Variants in MARCHF1 observed in about 807,000 individuals in gnomAD.
The protein encoded by MARCHF1 is membrane associated ring-CH-type finger 1.
In MARCHF1, 40 loss-of-function variants were observed where a neutral mutation model predicts 54.2. The ratio of observed to expected loss-of-function variants is 0.74; its 90% CI spans 0.57 to 0.96. The LOEUF is 0.96. Among genes scored for constraint, MARCHF1 ranks in the 40% least tolerant of loss-of-function variants. The pLI, the probability that MARCHF1 is intolerant of heterozygous loss-of-function variation, is 0.00. For synonymous variants in MARCHF1, 236 were observed against 236.3 expected, an observed-to-expected ratio of 1.00 and a Z score of 0.01; for missense variants, 586 against 656.5, an observed-to-expected ratio of 0.89 and a Z score of 1.17.
chr4:164,109,952 C>G (rs970654942), intron 2 of MARCHF1, among the ~76,000 whole-genome samples: 2 of 139,154 alleles, frequency 1.4e-5, no homozygotes, highest in East Asian at 4.1e-4. Context: ...TGTAAATTCA[C>G]CACTGATAGA....
At chr4:163,700,528 AGAAG>A (rs57173687) in intron 5 of MARCHF1, among the ~76,000 whole-genome samples, 15,980 of 114,306 alleles carry the variant, frequency 0.14, 1,371 homozygotes, top group African/African-American at 0.2. Context: ...AAAGAAAGAA[AGAAG>A]GAAGGAAGGA....
intron 5 of MARCHF1, among the ~76,000 whole-genome samples, chr4:163,665,652 T>C (rs897264744): frequency 2.0e-5 from 3 of 152,150 alleles, no homozygotes; most frequent in African/African-American, 4.8e-5. Flanking sequence ...TTATTCATCG[T>C]CTTCCCTTTT....
intron 2 of MARCHF1, among the ~76,000 whole-genome samples, chr4:164,054,877 A>G (rs1754454400): frequency 6.6e-6 from 1 of 151,628 alleles, no homozygotes; most frequent in African/African-American, 2.4e-5. Context: ...ATGTATACAT[A>G]TGTAACTAAC....
chr4:163,566,623 T>G (rs1739653756), intron 8 of MARCHF1, among the ~76,000 whole-genome samples: 1 of 152,180 alleles, frequency 6.6e-6, no homozygotes, highest in African/African-American at 2.4e-5. Flanking sequence ...AAGGCCAGTG[T>G]TACTCATCAG....
chr4:163,534,053 A>G (rs1738450402), intron 9 of MARCHF1, among the ~76,000 whole-genome samples: 1 of 151,976 alleles, frequency 6.6e-6, no homozygotes, highest in Non-Finnish European at 1.5e-5. Flanking sequence ...CTGTTTTCCA[A>G]ACATTGCACA....
At chr4:163,732,873 C>T (rs566789309) in intron 4 of MARCHF1, among the ~76,000 whole-genome samples, 41 of 151,962 alleles carry the variant, frequency 2.7e-4, no homozygotes, top group South Asian at 2.1e-3. Flanking sequence ...TTAAAGAAGC[C>T]GGATGCGGTG....
At chr4:163,884,903 T>G (rs1750495062) in intron 3 of MARCHF1, among the ~76,000 whole-genome samples, 1 of 152,136 alleles carries the variant, frequency 6.6e-6, no homozygotes, top group South Asian at 2.1e-4. Context: ...AAAAGAAAAT[T>G]TAGAGACTAA....
At chr4:164,151,087 A>G (rs1033003419) in intron 1 of MARCHF1, among the ~76,000 whole-genome samples, 6 of 152,248 alleles carry the variant, frequency 3.9e-5, no homozygotes, top group Non-Finnish European at 8.8e-5. Flanking sequence ...TAGAGCCTCC[A>G]GAAAGAACAT....
intron 1 of MARCHF1, chr4:164,197,723 T>A: frequency 6.2e-7 from 1 of 1,608,238 alleles, no homozygotes; most frequent in Non-Finnish European, 8.5e-7. Flanking sequence ...TCTCGCGCTC[T>A]CTGTCTGCAG....
chr4:164,235,920 C>A (rs184176364), intron 1 of MARCHF1, among the ~76,000 whole-genome samples: 3 of 152,160 alleles, frequency 2.0e-5, no homozygotes, highest in Admixed American at 2.0e-4. Flanking sequence ...CATGCAAGTT[C>A]TTTTGGCCTC....
chr4:163,987,240 T>C (rs961549226), intron 3 of MARCHF1, among the ~76,000 whole-genome samples: 2 of 152,214 alleles, frequency 1.3e-5, no homozygotes, highest in Non-Finnish European at 2.9e-5. Flanking sequence ...AGATTTTTAA[T>C]TCTCAGAAAT....
intron 3 of MARCHF1, among the ~76,000 whole-genome samples, chr4:163,942,727 T>C (rs886770474): frequency 6.6e-6 from 1 of 152,128 alleles, no homozygotes; most frequent in African/African-American, 2.4e-5. Context: ...CATAGGGAGT[T>C]ATAGGAAAGA....
In MARCHF1 at chr4:163,611,455, A is replaced by G. The variant is rs1192360574; in HGVS notation, c.1010+816T>C. Among the ~76,000 whole-genome samples the G allele has an allele frequency of 2.6e-5, 4 of 152,238 alleles. No individual in the cohort carries two copies. The East Asian group carries it at 7.7e-4, about 29-fold the overall frequency. ...AAGCAAAACATAACAAGTATTGCGC[A>G]GTGAAAATCTTCATTTGCTCTCATA... On this transcript the variant is annotated intron_variant, in intron 7 of 9. Transcript: ENST00000514618.
At chr4:163,815,291 C>A (rs761279875) in intron 4 of MARCHF1, among the ~76,000 whole-genome samples, 3 of 152,104 alleles carry the variant, frequency 2.0e-5, no homozygotes, top group Admixed American at 6.6e-5. Context: ...AACTGTCATG[C>A]TGCAAATTTT....
chr4:163,914,144 T>C (rs1479729969), intron 3 of MARCHF1, among the ~76,000 whole-genome samples: 2 of 152,062 alleles, frequency 1.3e-5, no homozygotes, highest in Non-Finnish European at 2.9e-5. Context: ...CTGAGGAGCA[T>C]TCAGCTTTGT....
intron 4 of MARCHF1, among the ~76,000 whole-genome samples, chr4:163,807,808 GT>G (rs5863631): frequency 6.6e-6 from 1 of 150,558 alleles, no homozygotes; most frequent in Non-Finnish European, 1.5e-5. Flanking sequence ...GAAATCATAG[GT>G]TTTTTTTTGT....
chr4:164,337,264 A>C (rs555684248), intron 1 of MARCHF1, among the ~76,000 whole-genome samples: 2 of 152,334 alleles, frequency 1.3e-5, no homozygotes, highest in African/African-American at 4.8e-5. Context: ...GGTGTCCCCC[A>C]AAGAAGTTCC....
At chr4:164,034,104 T>TAGATAGATAGATAGATAGACAGAC in intron 2 of MARCHF1, among the ~76,000 whole-genome samples, 2 of 141,666 alleles carry the variant, frequency 1.4e-5, no homozygotes, top group East Asian at 4.0e-4. Flanking sequence ...GATAGATAGA[T>TAGATAGATAGATAGATAGACAGAC]AGATAGATAG....
In MARCHF1 at chr4:163,713,666, TA is replaced by T. The variant is rs202171724; in HGVS notation, c.112-12804del. Among the ~76,000 whole-genome samples the T allele has an allele frequency of 6.3e-3, 963 of 152,284 alleles. 6 individuals carry two copies. The highest frequency in any genetic ancestry group is 0.014 in the African/African-American group (573 of 41,562). On this transcript the variant is annotated intron_variant, in intron 4 of 9. Coordinates refer to ENST00000514618, the MANE Select transcript of MARCHF1 (RefSeq NM_001394959.1). ...GTTCTGAAGGCATTTCTTCTAAATG[TA>T]AAAAAATTAGTTTCAGAAATATGCT... is the stretch of plus-strand genomic sequence containing the variant.
Sources: gnomAD v4.1 joint callset for allele counts (sites outside exome capture counted in the v4.1 genomes callset) on GRCh38, gnomAD v4.1.1 for gene constraint, MANE v1.5 for transcripts, NCBI Gene and HGNC (gene_info 2026-07-23, HGNC 2026-07-21) for gene names.